Variants in CSMD1 observed in about 807,000 individuals in gnomAD.
CSMD1 encodes the protein CUB and sushi domain-containing protein 1.
Under a neutral mutation model 417.5 loss-of-function variants are expected in CSMD1, and 213 were observed. The observed-to-expected ratio is 0.51, with a 90% CI of 0.46 to 0.57. CSMD1 has a LOEUF of 0.57. CSMD1 is among the 20% of genes least tolerant of loss of function. CSMD1 has a pLI of 0.00. For synonymous variants in CSMD1, 2,862 were observed against 1,736.8 expected (o/e 1.65, Z -16.11); for missense variants, 6,923 against 4,529.7 (o/e 1.53, Z -15.17).
Position 3,997,998 on chromosome 8 carries a change from C to A in CSMD1, c.723G>T (p.Glu241Asp). Reference sequence around the variant, plus strand: ...AGACCAGCGCAATGGTGTCCCCGGGCTCAGCCAGAATGGTCCAGGTGCAGT... The same window carrying A: ...AGACCAGCGCAATGGTGTCCCCGGGATCAGCCAGAATGGTCCAGGTGCAGT... ...NADCTWTILAEPGDTIALVFT... is the reference protein window; with the variant it reads ...NADCTWTILADPGDTIALVFT... The change falls in exon 5 of 70, where the codon GAG becomes GAT. Residue 241 changes from glutamate to aspartate, a missense_variant. Physicochemically the swap from Glu to Asp is conservative, Grantham distance 45 (BLOSUM62 2). Transcript: ENST00000635120. The A allele has an allele frequency of 6.2e-6, 10 of 1,610,016 alleles. No homozygotes were observed. The highest frequency in any genetic ancestry group is 1.1e-5 in the South Asian group (1 of 90,042).
At chr8:4,575,154 T>A (rs542215100) in intron 2 of CSMD1, among the ~76,000 whole-genome samples, 12 of 152,226 alleles carry the variant, frequency 7.9e-5, no homozygotes, top group African/African-American at 2.9e-4. Context: ...GCAGTCTCTA[T>A]AGCACTGTGG....
At chr8:3,479,925 G>T (rs1817639504) in intron 11 of CSMD1, among the ~76,000 whole-genome samples, 1 of 152,078 alleles carries the variant, frequency 6.6e-6, no homozygotes, top group South Asian at 2.1e-4. Flanking sequence ...AGGAAATTAT[G>T]GAACTAAAAA....
intron 10 of CSMD1, among the ~76,000 whole-genome samples, chr8:3,551,908 T>C (rs1299492717): frequency 6.6e-6 from 1 of 152,174 alleles, no homozygotes; most frequent in Non-Finnish European, 1.5e-5. Context: ...ATGTGGTACC[T>C]GTGTCAGTCC....
At position 4,510,390 on chromosome 8, in the gene CSMD1, T is replaced by TAAAAAAAAAAAA. The variant is rs34791623; in HGVS notation, c.303-90337_303-90326dup. 6.0e-4 allele frequency among the ~76,000 whole-genome samples: 33 copies of TAAAAAAAAAAAA among 54,640 alleles called. 2 individuals are homozygous for TAAAAAAAAAAAA. Among genetic ancestry groups the TAAAAAAAAAAAA allele is most frequent in the South Asian group, 9.1e-4 (1 of 1,104 alleles). 35.8% of individuals were successfully genotyped at this position (54,640 alleles called of 152,430 possible). ...GTAGACAATTAAAAAGCATAATGCC[T>TAAAAAAAAAAAA]AAAAAAAAAAAAAAAAAAAAAAAAA... On this transcript the variant is annotated intron_variant, in intron 2 of 69. Coordinates refer to ENST00000635120, the MANE Select transcript of CSMD1 (RefSeq NM_033225.6).
At chr8:3,229,427 T>C (rs1426942356) in intron 27 of CSMD1, among the ~76,000 whole-genome samples, 1 of 152,240 alleles carries the variant, frequency 6.6e-6, no homozygotes, top group Non-Finnish European at 1.5e-5. Flanking sequence ...AAATATATAT[T>C]AGCCTACAAA....
chr8:3,322,346 A>C (rs1336174567), intron 23 of CSMD1, among the ~76,000 whole-genome samples: 1 of 152,212 alleles, frequency 6.6e-6, no homozygotes, highest in Non-Finnish European at 1.5e-5. Flanking sequence ...AAATGACTGA[A>C]CATTCAAATT....
At chr8:3,505,756 G>A (rs192286675) in intron 10 of CSMD1, among the ~76,000 whole-genome samples, 157 of 152,250 alleles carry the variant, frequency 1.0e-3, no homozygotes, top group Non-Finnish European at 1.9e-3. Context: ...TGTCTACTTA[G>A]CAAACAGGCT....
chr8:3,855,848 C>T (rs1418909914), intron 5 of CSMD1, among the ~76,000 whole-genome samples: 6 of 152,252 alleles, frequency 3.9e-5, no homozygotes, highest in Admixed American at 1.3e-4. Flanking sequence ...TAGAGTTCAA[C>T]TGCATTTATT....
intron 3 of CSMD1, among the ~76,000 whole-genome samples, chr8:4,157,880 C>A (rs1475885052): frequency 1.3e-5 from 2 of 152,112 alleles, no homozygotes; most frequent in African/African-American, 2.4e-5. Flanking sequence ...TCCTATCCTC[C>A]CCACAGGACA....
At chr8:4,160,778 A>G (rs1018775129) in intron 3 of CSMD1, among the ~76,000 whole-genome samples, 6 of 152,248 alleles carry the variant, frequency 3.9e-5, no homozygotes, top group Non-Finnish European at 7.3e-5. Context: ...GGATGAAAGC[A>G]TCATTTTACC....
intron 2 of CSMD1, among the ~76,000 whole-genome samples, chr8:4,500,559 C>G (rs969293617): frequency 4.6e-5 from 7 of 152,020 alleles, no homozygotes; most frequent in African/African-American, 1.7e-4. Context: ...GTGCCACAGA[C>G]TGTTACTAAA....
intron 3 of CSMD1, among the ~76,000 whole-genome samples, chr8:4,034,723 C>A (rs1797526699): frequency 6.6e-6 from 1 of 152,096 alleles, no homozygotes; most frequent in African/African-American, 2.4e-5. Flanking sequence ...TGATGTTTTT[C>A]TTTAATGTCC....
chr8:4,944,522 A>T (rs1036665191), intron 1 of CSMD1, among the ~76,000 whole-genome samples: 1 of 152,326 alleles, frequency 6.6e-6, no homozygotes, highest in East Asian at 1.9e-4. Context: ...TCAGAGACTC[A>T]GACTCAGAGG....
chr8:3,320,110 C>A (rs1219714006), intron 23 of CSMD1, among the ~76,000 whole-genome samples: 1 of 152,156 alleles, frequency 6.6e-6, no homozygotes, highest in African/African-American at 2.4e-5. Context: ...TGCTCTGTGC[C>A]ACACAATTCA....
chr8:4,447,760 G>C (rs946000685), intron 2 of CSMD1, among the ~76,000 whole-genome samples: 1 of 152,154 alleles, frequency 6.6e-6, no homozygotes, highest in South Asian at 2.1e-4. Context: ...CTCTTTTGCA[G>C]TTATGTATCA....
At chr8:3,987,991 C>G (rs1167897589) in intron 5 of CSMD1, among the ~76,000 whole-genome samples, 3 of 152,156 alleles carry the variant, frequency 2.0e-5, no homozygotes, top group Admixed American at 6.5e-5. Context: ...ACTCAATTTT[C>G]TTGAAAAGAG....
intron 5 of CSMD1, among the ~76,000 whole-genome samples, chr8:3,784,096 G>C (rs987475577): frequency 3.9e-5 from 6 of 152,070 alleles, no homozygotes; most frequent in African/African-American, 1.5e-4. Context: ...GAAAACATTA[G>C]TGTGTTTGGA....
intron 2 of CSMD1, among the ~76,000 whole-genome samples, chr8:4,542,098 C>T (rs1797414917): frequency 6.6e-6 from 1 of 152,244 alleles, no homozygotes; most frequent in African/African-American, 2.4e-5. Flanking sequence ...GAAATATATG[C>T]TCATTTCTGG....
chr8:3,961,842 A>G (rs780845269), intron 5 of CSMD1, among the ~76,000 whole-genome samples: 7 of 152,210 alleles, frequency 4.6e-5, no homozygotes, highest in Non-Finnish European at 8.8e-5. Context: ...AGGCAGCATC[A>G]TGAGGAAGAG....
Sources: gnomAD v4.1 joint callset for allele counts (sites outside exome capture counted in the v4.1 genomes callset) on GRCh38, gnomAD v4.1.1 for gene constraint, MANE v1.5 for transcripts, NCBI Gene and HGNC (gene_info 2026-07-23, HGNC 2026-07-21) for gene names.